RARB: variants seen among roughly 807,000 people sequenced by gnomAD.
RARB encodes the protein HBV-activated protein.
In RARB, 17 loss-of-function variants were observed where a neutral mutation model predicts 51.9. The observed-to-expected ratio is 0.33, with a 90% confidence interval of 0.22 to 0.49. The LOEUF is 0.49. Ranked by LOEUF, RARB falls within the 20% of genes least tolerant of loss-of-function variation. The pLI, the probability that RARB is intolerant of heterozygous loss-of-function variation, is 0.99. For missense variants in RARB, 369 were observed against 550.8 expected (o/e 0.67, Z 3.30); for synonymous variants, 215 against 195.4 (o/e 1.10, Z -0.84).
intron 5 of RARB, among the ~76,000 whole-genome samples, chr3:25,287,873 T>A (rs1428972662): frequency 6.6e-6 from 1 of 152,066 alleles, no homozygotes; most frequent in Non-Finnish European, 1.5e-5. Context: ...ACTTAGAGCT[T>A]GATAAAAGTA....
intron 2 of RARB, among the ~76,000 whole-genome samples, chr3:24,922,812 C>A (rs1443256639): frequency 6.6e-6 from 1 of 152,080 alleles, no homozygotes; most frequent in Non-Finnish European, 1.5e-5. Flanking sequence ...TCCAACTCTG[C>A]CAAACATCTC....
chr3:25,161,178 AATTATTATTATTATTATT>A (rs72136020), intron 4 of RARB, among the ~76,000 whole-genome samples: 19 of 142,348 alleles, frequency 1.3e-4, no homozygotes, highest in Admixed American at 1.4e-4. Context: ...ATGCCCAGCT[AATTATTATTATTATTATT>A]ATTATTATTA....
chr3:25,376,237 C>T (rs111693213), intron 5 of RARB, among the ~76,000 whole-genome samples: 11 of 152,298 alleles, frequency 7.2e-5, no homozygotes, highest in African/African-American at 2.4e-4. Flanking sequence ...ACCCACCATG[C>T]TCTTACCTAC....
At chr3:25,104,921 G>A (rs1699470553) in intron 3 of RARB, among the ~76,000 whole-genome samples, 1 of 152,150 alleles carries the variant, frequency 6.6e-6, no homozygotes, top group Admixed American at 6.5e-5. Flanking sequence ...GGTAATGCCT[G>A]CAAGGGGAGC....
At chr3:25,443,039 C>T (rs1490994098) in intron 1 of RARB, among the ~76,000 whole-genome samples, 1 of 152,124 alleles carries the variant, frequency 6.6e-6, no homozygotes, top group South Asian at 2.1e-4. Flanking sequence ...AGCTCTCCCC[C>T]GGGTGCCTCC....
intron 5 of RARB, among the ~76,000 whole-genome samples, chr3:25,590,719 C>T (rs774507580): frequency 6.6e-6 from 1 of 152,176 alleles, no homozygotes; most frequent in African/African-American, 2.4e-5. Flanking sequence ...CAGATTTCAC[C>T]GTGTGGGCCA....
At chr3:25,435,684 T>C (rs1377665077) in intron 1 of RARB, among the ~76,000 whole-genome samples, 1 of 152,236 alleles carries the variant, frequency 6.6e-6, no homozygotes, top group Non-Finnish European at 1.5e-5. Context: ...AATGCTTTCA[T>C]TGGCTTTAAT....
At chr3:25,503,973 T>G (rs1434588483) in intron 3 of RARB, among the ~76,000 whole-genome samples, 3 of 152,178 alleles carry the variant, frequency 2.0e-5, no homozygotes, top group African/African-American at 7.2e-5. Flanking sequence ...AAGACTACAG[T>G]GAAATCGGCC....
chr3:25,185,044 T>C (rs1700945485), intron 5 of RARB, among the ~76,000 whole-genome samples: 1 of 152,220 alleles, frequency 6.6e-6, no homozygotes, highest in Non-Finnish European at 1.5e-5. Flanking sequence ...ACTTCCAAAA[T>C]GCAAAGGTCT....
intron 2 of RARB, among the ~76,000 whole-genome samples, chr3:24,993,491 T>G (rs1247191194): frequency 6.6e-6 from 1 of 152,174 alleles, no homozygotes; most frequent in Non-Finnish European, 1.5e-5. Flanking sequence ...ATGAATCACA[T>G]TAGCATATTA....
intron 5 of RARB, among the ~76,000 whole-genome samples, chr3:25,308,583 G>A (rs1053781654): frequency 6.6e-6 from 1 of 151,726 alleles, no homozygotes; most frequent in African/African-American, 2.4e-5. Context: ...AGAGTAGCTG[G>A]GATTACAGGC....
intron 5 of RARB, among the ~76,000 whole-genome samples, chr3:25,354,990 C>T (rs1705689336): frequency 6.6e-6 from 1 of 151,944 alleles, no homozygotes; most frequent in Admixed American, 6.6e-5. Context: ...AATCCCAGCT[C>T]TTCCACTTCA....
At chr3:25,095,066 T>C (rs1351184765) in intron 3 of RARB, among the ~76,000 whole-genome samples, 1 of 152,170 alleles carries the variant, frequency 6.6e-6, no homozygotes, top group East Asian at 1.9e-4. Context: ...TGGCCTCTGG[T>C]CCAGTGATTT....
rs532721988 is a variant in RARB, at chr3:25,127,315, A to T, written c.-327-4846A>T. ...CTACTGGGCCTTGCCACGGCCCACC[A>T]GCCTTCTATCAACTCCTTGAACTCA... On this transcript the variant is annotated intron_variant, in intron 3 of 11. Transcript: ENST00000383772. Among the ~76,000 whole-genome samples the T allele has an allele frequency of 7.2e-5, 11 of 152,182 alleles. No homozygotes were observed. In the East Asian group the frequency reaches 2.1e-3, roughly 29 times the overall value.
intron 2 of RARB, among the ~76,000 whole-genome samples, chr3:24,941,883 C>T (rs1695674711): frequency 6.6e-6 from 1 of 152,196 alleles, no homozygotes; most frequent in African/African-American, 2.4e-5. Context: ...TAAGCGTAAA[C>T]TTAATCTTCT....
At chr3:25,581,691 G>A (rs571458925) in intron 5 of RARB, among the ~76,000 whole-genome samples, 14 of 152,262 alleles carry the variant, frequency 9.2e-5, no homozygotes, top group Middle Eastern at 3.4e-3. Context: ...GGGCGGGGGC[G>A]ATTAGGTTTA....
intron 5 of RARB, among the ~76,000 whole-genome samples, chr3:25,228,186 TG>T (rs1702096837): frequency 6.6e-6 from 1 of 150,530 alleles, no homozygotes. Context: ...CCTTTTTCAT[TG>T]GAAAGTTTTC....
At chr3:24,998,216 A>G (rs1697083238) in intron 2 of RARB, among the ~76,000 whole-genome samples, 1 of 151,018 alleles carries the variant, frequency 6.6e-6, no homozygotes, top group African/African-American at 2.4e-5. Flanking sequence ...TAATTTAGCT[A>G]ATTCTCCCTT....
At chr3:25,023,517 A>G (rs1010683180) in intron 2 of RARB, among the ~76,000 whole-genome samples, 5 of 152,148 alleles carry the variant, frequency 3.3e-5, no homozygotes, top group African/African-American at 1.2e-4. Context: ...TTGCTTCAAC[A>G]TAAGGGAAAC....
Sources: gnomAD v4.1 joint callset for allele counts (sites outside exome capture counted in the v4.1 genomes callset) on GRCh38, gnomAD v4.1.1 for gene constraint, MANE v1.5 for transcripts, NCBI Gene and HGNC (gene_info 2026-07-23, HGNC 2026-07-21) for gene names.